BRINP1: variants seen among roughly 807,000 people sequenced by gnomAD.
The protein encoded by BRINP1 is BMP/retinoic acid inducible neural specific 1.
Under a neutral mutation model 72.9 loss-of-function variants are expected in BRINP1, and 17 were observed. That is an observed-to-expected ratio of 0.23 (90% CI 0.16 to 0.35). The LOEUF (loss-of-function observed/expected upper bound fraction) is 0.35. Ranked by LOEUF, BRINP1 falls within the 10% of genes least tolerant of loss-of-function variation. BRINP1 has a pLI of 1.00. For synonymous variants in BRINP1, 418 were observed against 378.5 expected, an observed-to-expected ratio of 1.10 and a Z score of -1.21; for missense variants, 850 against 1,001.6, an observed-to-expected ratio of 0.85 and a Z score of 2.04.
chr9:119,273,699 T>C (rs1249997965), intron 2 of BRINP1, among the ~76,000 whole-genome samples: 1 of 152,186 alleles, frequency 6.6e-6, no homozygotes, highest in Non-Finnish European at 1.5e-5. Flanking sequence ...TCATTAGTAC[T>C]CATTAGCAGA....
intron 7 of BRINP1, among the ~76,000 whole-genome samples, chr9:119,171,480 A>G (rs1400624789): frequency 6.6e-6 from 1 of 150,742 alleles, no homozygotes; most frequent in Non-Finnish European, 1.5e-5. Context: ...AGATTCATAA[A>G]GCAAGTCCCG....
rs144892467 is a variant in BRINP1, at chr9:119,286,389, C to T, written c.218+26749G>A. On this transcript the variant is annotated intron_variant, in intron 2 of 7. Transcript: ENST00000265922. ...CTGGGACTACAGGCGCCTGCCACCA[C>T]GCCCAGCTAATTCTTTTTGTATTTT... Among the ~76,000 whole-genome samples, 1,232 of 152,150 alleles carry T rather than the reference C, an allele frequency of 8.1e-3. 13 individuals are homozygous for T. The highest frequency in any genetic ancestry group is 0.029 in the African/African-American group (1,187 of 41,500).
intron 7 of BRINP1, among the ~76,000 whole-genome samples, chr9:119,186,149 C>T (rs942640820): frequency 2.0e-5 from 3 of 152,134 alleles, no homozygotes; most frequent in Non-Finnish European, 2.9e-5. Context: ...AGCCTAGGCT[C>T]GGTGGAGCAG....
At chr9:119,250,332 A>G (rs1480590267) in intron 2 of BRINP1, among the ~76,000 whole-genome samples, 2 of 152,196 alleles carry the variant, frequency 1.3e-5, no homozygotes, top group African/African-American at 2.4e-5. Flanking sequence ...TGTTCCAAAG[A>G]CCATGTGGGA....
intron 1 of BRINP1, among the ~76,000 whole-genome samples, chr9:119,351,007 C>T (rs1025913593): frequency 1.3e-5 from 2 of 151,616 alleles, no homozygotes; most frequent in South Asian, 2.1e-4. Flanking sequence ...TCTATCAACC[C>T]GTCATCTATG....
At chr9:119,257,146 A>G (rs1830454233) in intron 2 of BRINP1, among the ~76,000 whole-genome samples, 1 of 152,250 alleles carries the variant, frequency 6.6e-6, no homozygotes, top group African/African-American at 2.4e-5. Context: ...AAAGCCATAC[A>G]GTCAGAAAGA....
At chr9:119,205,272 C>G (rs892579325) in intron 7 of BRINP1, among the ~76,000 whole-genome samples, 2 of 152,120 alleles carry the variant, frequency 1.3e-5, no homozygotes, top group African/African-American at 4.8e-5. Context: ...CCCCTCGGTA[C>G]CTAGCACTCA....
intron 1 of BRINP1, among the ~76,000 whole-genome samples, chr9:119,350,421 A>G (rs1831495290): frequency 6.6e-6 from 1 of 152,232 alleles, no homozygotes; most frequent in Admixed American, 6.5e-5. Context: ...ATGAATTTAT[A>G]CTAAGTTGCC....
At chr9:119,365,816 C>T (rs569066760) in intron 1 of BRINP1, among the ~76,000 whole-genome samples, 6 of 152,198 alleles carry the variant, frequency 3.9e-5, no homozygotes, top group African/African-American at 1.4e-4. Context: ...TGAGCTGTTT[C>T]TCCTTGGTTG....
intron 3 of BRINP1, among the ~76,000 whole-genome samples, chr9:119,244,173 C>T (rs1830288728): frequency 6.6e-6 from 1 of 152,198 alleles, no homozygotes; most frequent in Non-Finnish European, 1.5e-5. Flanking sequence ...ATTAATAACT[C>T]TCAGGTTTTA....
intron 2 of BRINP1, among the ~76,000 whole-genome samples, chr9:119,278,597 CAACTT>C (rs1257511543): frequency 2.6e-5 from 4 of 152,248 alleles, no homozygotes; most frequent in African/African-American, 9.6e-5. Flanking sequence ...TTTTTTAAAA[CAACTT>C]AAAGCAGCTG....
chr9:119,338,246 C>CT (rs11335944), intron 1 of BRINP1, among the ~76,000 whole-genome samples: 36,828 of 142,512 alleles, frequency 0.26, 5,597 homozygotes, highest in Non-Finnish European at 0.35. Flanking sequence ...GTTTTTGTTT[C>CT]TTTTTTTTTT....
intron 6 of BRINP1, among the ~76,000 whole-genome samples, chr9:119,209,299 G>A (rs985337120): frequency 8.5e-5 from 13 of 152,178 alleles, no homozygotes; most frequent in Admixed American, 6.5e-5. Flanking sequence ...AAGGTTGGGT[G>A]CAGTGGCTCA....
Position 119,325,056 on chromosome 9 carries a change from C to T in BRINP1, c.-50-11651G>A, listed in dbSNP as rs576448407. On this transcript the variant is annotated intron_variant, in intron 1 of 7. Transcript: ENST00000265922. ...CGAAAGTTGTAGTGAGCTGAGATCA[C>T]GCCATTGCACTCCAGCCTGGGCAAC... Among the ~76,000 whole-genome samples the T allele has an allele frequency of 1.5e-3, 229 of 151,580 alleles. 4 individuals carry two copies. Among genetic ancestry groups the T allele is most frequent in the Admixed American group, 0.014 (215 of 15,212 alleles).
intron 1 of BRINP1, among the ~76,000 whole-genome samples, chr9:119,350,115 T>C (rs569673720): frequency 1.3e-5 from 2 of 152,288 alleles, no homozygotes; most frequent in Admixed American, 6.5e-5. Flanking sequence ...TTCCAGGACT[T>C]TGAAGGCTGG....
In BRINP1 at chr9:119,249,165, T is replaced by C. The variant is rs1389399291; in HGVS notation, c.219-15A>G. 3 of 1,608,778 alleles carry C rather than the reference T, an allele frequency of 1.9e-6. No individual in the cohort carries two copies. The highest frequency in any genetic ancestry group is 1.7e-4 in the Middle Eastern group (1 of 6,056). On this transcript the variant is annotated splice_polypyrimidine_tract_variant and intron_variant, in intron 2 of 7. Transcript: ENST00000265922. ...GGGCAAACTCCCTGGGCAGGAGAAA[T>C]GAGCAACACTTCTCAACTTACCACC...
chr9:119,287,473 A>T (rs1415388476), intron 2 of BRINP1, among the ~76,000 whole-genome samples: 1 of 152,238 alleles, frequency 6.6e-6, no homozygotes, highest in East Asian at 1.9e-4. Flanking sequence ...ACATGTCTAC[A>T]CTAGAGTACT....
Position 119,194,254 on chromosome 9 carries a change from T to C in BRINP1, c.1145+14465A>G, listed in dbSNP as rs1434739668. ...GGTATTTTAAGCCCCTAAATTTGGG[T>C]CAATTTGTTATACAGCAATATATAT... On this transcript the variant is annotated intron_variant, in intron 7 of 7. Coordinates refer to ENST00000265922, the MANE Select transcript of BRINP1 (RefSeq NM_014618.3). 3.9e-5 allele frequency among the ~76,000 whole-genome samples: 6 copies of C among 152,276 alleles called. No homozygotes were observed. In the South Asian group the frequency reaches 6.2e-4, roughly 16 times the overall value.
In BRINP1 at chr9:119,208,794, T is replaced by A. The variant is rs769406005; in HGVS notation, c.1070A>T (p.Gln357Leu). Reference protein sequence around the residue: ...SATEAQRQKIQRTARKLFGLS... With the variant: ...SATEAQRQKILRTARKLFGLS... ...GCCGAAAAGCTTGCGGGCAGTGCGT[T>A]GGATCTTTTGTCTCTGTGCCTCCGT... Residue 357 changes from glutamine to leucine, a missense_variant, in exon 7 of 8, where the codon CAA (glutamine) becomes CTA (leucine). By Grantham distance (113) the Gln-to-Leu change is moderately radical. Transcript: ENST00000265922. 3.9e-5 allele frequency: 63 copies of A among 1,614,078 alleles called. No individual in the cohort carries two copies. Among genetic ancestry groups the A allele is most frequent in the Non-Finnish European group, 5.3e-5 (62 of 1,180,046 alleles).
Sources: gnomAD v4.1 joint callset for allele counts (sites outside exome capture counted in the v4.1 genomes callset) on GRCh38, gnomAD v4.1.1 for gene constraint, MANE v1.5 for transcripts, NCBI Gene and HGNC (gene_info 2026-07-23, HGNC 2026-07-21) for gene names.